PCDHA8: variants seen among roughly 807,000 people sequenced by gnomAD.
PCDHA8 encodes the protein protocadherin alpha-8.
A neutral mutation model predicts 61.8 loss-of-function variants in PCDHA8; 53 were observed. The observed-to-expected ratio is 0.86, with a 90% confidence interval of 0.69 to 1.08. The LOEUF (loss-of-function observed/expected upper bound fraction) is 1.08. Ranked by LOEUF, PCDHA8 falls within the 50% of genes least tolerant of loss-of-function variation. PCDHA8 has a pLI of 0.00. For synonymous variants in PCDHA8, 618 were observed against 556.6 expected (o/e 1.11, Z -1.55); for missense variants, 1,293 against 1,245.0 (o/e 1.04, Z -0.58).
At chr5:140,993,996 G>C (rs1163632974) in intron 3 of PCDHA8, among the ~76,000 whole-genome samples, 1 of 152,148 alleles carries the variant, frequency 6.6e-6, no homozygotes, top group Non-Finnish European at 1.5e-5. Flanking sequence ...CTTAGGTCAG[G>C]CCAGGCTCTG....
rs2150353014 is a variant in PCDHA8 at position 140,843,115 on chromosome 5, C to T, written c.1794C>T (p.Asp598=). 5.0e-6 allele frequency: 8 copies of T among 1,595,710 alleles called. 2 individuals carry two copies. Among genetic ancestry groups the T allele is most frequent in the African/African-American group, 2.7e-5 (2 of 74,438 alleles). The change falls in exon 1 of 4, where the codon GAC becomes GAT. Residue 598 remains aspartate, a synonymous_variant. Transcript: ENST00000531613. The part of the protein sequence containing the change: ...GHVVAKVRAV[D]ADSGYNAWLS... ...TGGTAGCGAAGGTGCGCGCAGTGGA[C>T]GCCGACTCGGGCTACAACGCGTGGC...
intron 1 of PCDHA8, among the ~76,000 whole-genome samples, chr5:140,896,733 C>T (rs920661983): frequency 2.0e-5 from 3 of 151,970 alleles, no homozygotes; most frequent in Non-Finnish European, 2.9e-5. Flanking sequence ...TGTTTAAGTT[C>T]CTTATAGATT....
chr5:140,909,341 T>C (rs2074443719), intron 1 of PCDHA8, among the ~76,000 whole-genome samples: 1 of 152,222 alleles, frequency 6.6e-6, no homozygotes, highest in African/African-American at 2.4e-5. Context: ...GCATACCAGG[T>C]ACCAAGAGAT....
chr5:140,900,015 A>C (rs2067686381), intron 1 of PCDHA8, among the ~76,000 whole-genome samples: 1 of 151,940 alleles, frequency 6.6e-6, no homozygotes, highest in African/African-American at 2.4e-5. Context: ...TCACTTTGTT[A>C]CCCAGTTTGG....
At position 140,843,381 on chromosome 5, in the gene PCDHA8, T is replaced by C; in HGVS notation, c.2060T>C (p.Leu687Ser). The change falls in exon 1 of 4, where the codon TTG (leucine) becomes TCG (serine). Residue 687 changes from leucine to serine, a missense_variant. Transcript: ENST00000531613. ...TCATCGAGGCAGTCGGCTGGCGTTT[T>C]GGGTCCGGAAGCGGCGCTGGTGGAT... The part of the protein sequence containing the change: ...KASSRQSAGV[L>S]GPEAALVDVN... The C allele has an allele frequency of 6.3e-7, 1 of 1,596,090 alleles. No homozygotes were observed.
At chr5:140,863,942 G>C (rs868949663) in intron 1 of PCDHA8, 1 of 159,974 alleles carries the variant, frequency 6.3e-6, no homozygotes, top group Non-Finnish European at 1.4e-5. Context: ...CAGAGGTTGC[G>C]GTGAGCCTAG....
chr5:140,958,492 A>G (rs2095426229), intron 1 of PCDHA8, among the ~76,000 whole-genome samples: 1 of 152,112 alleles, frequency 6.6e-6, no homozygotes, highest in Non-Finnish European at 1.5e-5. Context: ...AAGTCCACAT[A>G]TCCTAGGAGG....
intron 1 of PCDHA8, chr5:140,862,547 G>T: frequency 2.2e-6 from 1 of 455,636 alleles, no homozygotes; most frequent in South Asian, 1.7e-5. Context: ...CGTGGAAGTG[G>T]CCGAACAGTG....
At chr5:140,934,502 A>G (rs1311901724) in intron 1 of PCDHA8, among the ~76,000 whole-genome samples, 2 of 152,144 alleles carry the variant, frequency 1.3e-5, no homozygotes, top group Non-Finnish European at 2.9e-5. Flanking sequence ...TAAACACCCA[A>G]AGGGTCCATA....
chr5:140,989,758 T>C (rs1554251084), intron 3 of PCDHA8, among the ~76,000 whole-genome samples: 1 of 152,188 alleles, frequency 6.6e-6, no homozygotes, highest in African/African-American at 2.4e-5. Flanking sequence ...GAGAAACATA[T>C]TCAGTTCAAG....
chr5:140,891,241 G>A (rs2153433469), intron 1 of PCDHA8, among the ~76,000 whole-genome samples: 1 of 152,200 alleles, frequency 6.6e-6, no homozygotes, highest in Middle Eastern at 3.4e-3. Flanking sequence ...TCTGGATTCA[G>A]TAGGATTTTT....
intron 3 of PCDHA8, among the ~76,000 whole-genome samples, chr5:141,002,380 G>T (rs1284047266): frequency 2.0e-5 from 3 of 152,196 alleles, no homozygotes; most frequent in Non-Finnish European, 2.9e-5. Context: ...CTGGCTTAGG[G>T]CTCCTGCTGG....
Position 140,877,092 on chromosome 5 carries a change from C to T in PCDHA8, c.2394+33377C>T, listed in dbSNP as rs200462899. On this transcript the variant is annotated intron_variant, in intron 1 of 3. Coordinates refer to ENST00000531613, the MANE Select transcript of PCDHA8 (RefSeq NM_018911.3). ...AGTTCCAGGTGAGCGCGCGCGACGCCGGCGTGCCGCCTCTGGGCAGCAACG... is the reference window on the plus strand; with the variant it reads ...AGTTCCAGGTGAGCGCGCGCGACGCTGGCGTGCCGCCTCTGGGCAGCAACG... The T allele has an allele frequency of 2.9e-3, 4,637 of 1,613,220 alleles. 21 individuals carry two copies. Among genetic ancestry groups the T allele is most frequent in the African/African-American group, 0.01 (785 of 75,014 alleles).
chr5:140,890,068 T>C (rs1353953909), intron 1 of PCDHA8, among the ~76,000 whole-genome samples: 2 of 152,196 alleles, frequency 1.3e-5, no homozygotes, highest in African/African-American at 4.8e-5. Flanking sequence ...TTTACTGGCT[T>C]ATGAGAACTG....
chr5:140,941,202 C>CCTTCCTTTCTTTCTTTCTTT lies in PCDHA8; in HGVS notation c.2395-37744_2395-37743insCCTTTCTTTCTTTCTTTCTT, dbSNP rs1554213920. 2.0e-4 allele frequency among the ~76,000 whole-genome samples: 24 copies of CCTTCCTTTCTTTCTTTCTTT among 122,828 alleles called. 1 individual carries two copies. Among genetic ancestry groups the CCTTCCTTTCTTTCTTTCTTT allele is most frequent in the Non-Finnish European group, 2.3e-4 (13 of 55,838 alleles). The allele number at this position is 122,828 out of a possible 152,430, so 80.6% of individuals were successfully genotyped here. A position where few individuals can be genotyped will look rare whatever the true frequency, so the allele number is the denominator to read the frequency against. ...TCCTGCTTCTTTTTTTTTCTTTCTTCCTTTCTTTCTTCCTTTCTTTCTTTC... is the reference window on the plus strand; with the variant it reads ...TCCTGCTTCTTTTTTTTTCTTTCTTCCTTCCTTTCTTTCTTTCTTTCTTTCTTTCTTCCTTTCTTTCTTTC... On this transcript the variant is annotated intron_variant, in intron 1 of 3. Coordinates refer to ENST00000531613, the MANE Select transcript of PCDHA8 (RefSeq NM_018911.3).
chr5:140,947,315 C>T (rs116397497), intron 1 of PCDHA8, among the ~76,000 whole-genome samples: 3,556 of 151,556 alleles, frequency 0.023, 49 homozygotes, highest in Middle Eastern at 0.034. Flanking sequence ...TGTAAAAAGT[C>T]GGTTGACCAT....
chr5:140,975,527 A>G (rs782267941), intron 1 of PCDHA8, among the ~76,000 whole-genome samples: 2 of 152,220 alleles, frequency 1.3e-5, no homozygotes, highest in Non-Finnish European at 2.9e-5. Context: ...CAGTGGATAT[A>G]TTCTTAATAC....
intron 3 of PCDHA8, among the ~76,000 whole-genome samples, chr5:140,994,381 C>T (rs1339661887): frequency 6.6e-6 from 1 of 152,086 alleles, no homozygotes; most frequent in East Asian, 1.9e-4. Context: ...ATTCAGGGGA[C>T]TAAGTCAGAG....
intron 1 of PCDHA8, among the ~76,000 whole-genome samples, chr5:140,975,395 C>T (rs2096665697): frequency 6.6e-6 from 1 of 152,246 alleles, no homozygotes; most frequent in Admixed American, 6.5e-5. Flanking sequence ...AGATCCATCA[C>T]AATCACAGTC....
Sources: gnomAD v4.1 joint callset for allele counts (sites outside exome capture counted in the v4.1 genomes callset) on GRCh38, gnomAD v4.1.1 for gene constraint, MANE v1.5 for transcripts, NCBI Gene and HGNC (gene_info 2026-07-23, HGNC 2026-07-21) for gene names.